The following SLC39A11 variants were observed in gnomAD, a reference collection of about 807,000 sequenced individuals.
SLC39A11 encodes solute carrier family 39 member 11, also known as zinc transporter ZIP11.
In SLC39A11, 33 loss-of-function variants were observed where a neutral mutation model predicts 36.1. That is an observed-to-expected ratio of 0.91 (90% confidence interval 0.69 to 1.22). SLC39A11 has a LOEUF of 1.22. Among genes scored for constraint, SLC39A11 ranks in the 50% most tolerant of loss-of-function variants. The pLI, the probability that SLC39A11 is intolerant of heterozygous loss-of-function variation, is 0.00. For missense variants in SLC39A11, 432 were observed against 430.3 expected, an observed-to-expected ratio of 1.00 and a Z score of -0.03; for synonymous variants, 166 against 170.3, an observed-to-expected ratio of 0.97 and a Z score of 0.20.
At position 73,031,773 on chromosome 17, in the gene SLC39A11, G is replaced by A; in HGVS notation, c.148-59C>T. On this transcript the variant is annotated intron_variant, in intron 3 of 9. Coordinates refer to ENST00000255559, the MANE Select transcript of SLC39A11 (RefSeq NM_139177.4). ...GCAACTGCAGAAGGCTTTCCAGGCA[G>A]GACCTCAGTTGCTCTCTGTGGCCCA... The A allele has an allele frequency of 5.7e-6, 9 of 1,568,756 alleles. No individual in the cohort carries two copies. In the South Asian group the frequency reaches 1.0e-4, roughly 18 times the overall value.
rs180874333 is a variant in SLC39A11, at chr17:72,828,031, C to T, written c.601+21603G>A. On this transcript the variant is annotated intron_variant, in intron 6 of 9. Transcript: ENST00000255559. ...GTGATACATGGATTTCTGCTAGCTGCTAAAGTGGTCCCATCCACTCAGGTC... is the reference window on the plus strand; with the variant it reads ...GTGATACATGGATTTCTGCTAGCTGTTAAAGTGGTCCCATCCACTCAGGTC... 2.4e-4 allele frequency among the ~76,000 whole-genome samples: 37 copies of T among 152,344 alleles called. 1 individual carries two copies. Among genetic ancestry groups the T allele is most frequent in the Middle Eastern group, 6.8e-3 (2 of 294 alleles).
chr17:72,880,355 G>C (rs1043583672), intron 5 of SLC39A11, among the ~76,000 whole-genome samples: 1 of 152,138 alleles, frequency 6.6e-6, no homozygotes, highest in Admixed American at 6.5e-5. Flanking sequence ...GATCGCTTGA[G>C]CCTAGGAGTC....
chr17:72,918,367 C>T (rs2083449512), intron 5 of SLC39A11, among the ~76,000 whole-genome samples: 1 of 152,140 alleles, frequency 6.6e-6, no homozygotes. Context: ...CAAGATCGCA[C>T]CATTGCACTC....
chr17:72,882,867 G>A (rs1489811168), intron 5 of SLC39A11, among the ~76,000 whole-genome samples: 1 of 144,210 alleles, frequency 6.9e-6, no homozygotes, highest in Admixed American at 7.3e-5. Flanking sequence ...CGCGATCTCA[G>A]CTCACCGCAA....
chr17:73,087,460 T>A (rs898605122), intron 2 of SLC39A11, among the ~76,000 whole-genome samples: 4 of 152,212 alleles, frequency 2.6e-5, no homozygotes, highest in Non-Finnish European at 5.9e-5. Context: ...TTCTACAATG[T>A]CTCAGGCTAC....
intron 6 of SLC39A11, among the ~76,000 whole-genome samples, chr17:72,737,385 G>C (rs1271371821): frequency 6.6e-6 from 1 of 152,162 alleles, no homozygotes; most frequent in African/African-American, 2.4e-5. Context: ...TGTTTATGGT[G>C]GGTTTCATAG....
chr17:73,066,199 G>A (rs2059991669), intron 3 of SLC39A11, among the ~76,000 whole-genome samples: 1 of 152,122 alleles, frequency 6.6e-6, no homozygotes, highest in African/African-American at 2.4e-5. Flanking sequence ...ACTGAACCAT[G>A]AGCAACCACA....
At chr17:72,955,298 C>CTTTTTTTTTTTTTTTTTTTTTTTTTTTTT (rs71359751) in intron 4 of SLC39A11, among the ~76,000 whole-genome samples, 7 of 65,574 alleles carry the variant, frequency 1.1e-4, no homozygotes, top group Non-Finnish European at 1.6e-4. Context: ...TTTCAGTTCT[C>CTTTTTTTTTTTTTTTTTTTTTTTTTTTTT]TTTTTTTTTT....
intron 6 of SLC39A11, among the ~76,000 whole-genome samples, chr17:72,774,797 T>C (rs747998825): frequency 2.6e-5 from 4 of 152,170 alleles, no homozygotes; most frequent in East Asian, 1.9e-4. Context: ...TCTAGCTACA[T>C]ACATTTGCCA....
At chr17:72,738,823 C>T (rs190635781) in intron 6 of SLC39A11, among the ~76,000 whole-genome samples, 9 of 152,268 alleles carry the variant, frequency 5.9e-5, no homozygotes, top group African/African-American at 2.2e-4. Context: ...CCTCTTAGTA[C>T]AGCGCATTTC....
chr17:72,920,911 G>A (rs938870460), intron 5 of SLC39A11, among the ~76,000 whole-genome samples: 5 of 151,834 alleles, frequency 3.3e-5, no homozygotes, highest in Admixed American at 6.6e-5. Context: ...CCCCTTATCT[G>A]CTGTTTCTTT....
chr17:72,974,908 T>C (rs545927653), intron 4 of SLC39A11, among the ~76,000 whole-genome samples: 3 of 152,342 alleles, frequency 2.0e-5, no homozygotes, highest in Admixed American at 6.5e-5. Context: ...TGTGTTACAG[T>C]TGTCCACAGC....
chr17:73,078,940 TAC>T (rs34182605), intron 3 of SLC39A11, among the ~76,000 whole-genome samples: 6 of 151,200 alleles, frequency 4.0e-5, no homozygotes, highest in Admixed American at 6.6e-5. Context: ...TGTTACATTT[TAC>T]ACACACACAC....
chr17:72,834,756 G>A (rs1351074177), intron 6 of SLC39A11, among the ~76,000 whole-genome samples: 1 of 152,218 alleles, frequency 6.6e-6, no homozygotes, highest in Non-Finnish European at 1.5e-5. Context: ...ATACAAAAAT[G>A]TATTCAAATT....
chr17:72,863,621 T>C (rs2080152645), intron 5 of SLC39A11, among the ~76,000 whole-genome samples: 1 of 152,226 alleles, frequency 6.6e-6, no homozygotes, highest in African/African-American at 2.4e-5. Context: ...ACCTCCTCAC[T>C]GACATCTGTC....
chr17:72,655,555 A>G (rs892635685), intron 7 of SLC39A11, among the ~76,000 whole-genome samples: 2 of 152,164 alleles, frequency 1.3e-5, no homozygotes, highest in Non-Finnish European at 2.9e-5. Context: ...CAGGTGTCAG[A>G]GGAGGTGAGG....
At chr17:72,768,879 G>A (rs1038312729) in intron 6 of SLC39A11, among the ~76,000 whole-genome samples, 48 of 152,164 alleles carry the variant, frequency 3.2e-4, no homozygotes, top group African/African-American at 1.1e-3. Flanking sequence ...TCCTGCCTCA[G>A]CCTCCCGAGT....
At chr17:73,058,360 T>C (rs1213307583) in intron 3 of SLC39A11, among the ~76,000 whole-genome samples, 1 of 152,184 alleles carries the variant, frequency 6.6e-6, no homozygotes, top group African/African-American at 2.4e-5. Flanking sequence ...GCGGAAAAGA[T>C]AGATAGGTCC....
intron 4 of SLC39A11, among the ~76,000 whole-genome samples, chr17:72,983,349 ATGTTGGCCAG>A (rs1357332407): frequency 6.6e-6 from 1 of 152,094 alleles, no homozygotes; most frequent in Non-Finnish European, 1.5e-5. Context: ...AGGTTTCACC[ATGTTGGCCAG>A]GCTGGTCTCA....
Sources: allele counts gnomAD v4.1 joint callset (sites outside exome capture counted in the v4.1 genomes callset), GRCh38; gene constraint gnomAD v4.1.1; transcripts MANE v1.5; gene names NCBI Gene and HGNC (gene_info 2026-07-23, HGNC 2026-07-21).